WDR27: variants seen among roughly 807,000 people sequenced by gnomAD.
WDR27 encodes WD repeat domain 27, also known as WD repeat-containing protein 27.
In WDR27, 100 loss-of-function variants were observed where a neutral mutation model predicts 114.4. The observed-to-expected ratio is 0.87, with a 90% CI of 0.74 to 1.03. The LOEUF (loss-of-function observed/expected upper bound fraction) is 1.03. Ranked by LOEUF, WDR27 falls within the 50% of genes least tolerant of loss-of-function variation. WDR27 has a pLI of 0.00. For missense variants in WDR27, 1,129 were observed against 1,092.9 expected, an observed-to-expected ratio of 1.03 and a Z score of -0.47; for synonymous variants, 449 against 423.1, an observed-to-expected ratio of 1.06 and a Z score of -0.75.
At chr6:169,457,887 C>T (rs1784452062) in intron 25 of WDR27, among the ~76,000 whole-genome samples, 1 of 151,440 alleles carries the variant, frequency 6.6e-6, no homozygotes, top group Non-Finnish European at 1.5e-5. Flanking sequence ...CTATGGTGCA[C>T]AAAAGGGCAT....
chr6:169,660,003 C>T (rs1002824574), intron 10 of WDR27, among the ~76,000 whole-genome samples: 6 of 151,776 alleles, frequency 4.0e-5, no homozygotes, highest in Non-Finnish European at 4.4e-5. Context: ...GAGGTCTGAG[C>T]GTTCAGGGCT....
chr6:169,643,779 C>T lies in WDR27; in HGVS notation c.1665G>A (p.Gly555=), dbSNP rs1313418522. ...RVCCIQYSGD[G]QWLACGLANH... ...TGGCCAACCCACAGGCCAGCCACTG[C>T]CCATCTCCTGTTAAAAGAATTTTAA... The change falls in exon 17 of 26, where the codon GGG becomes GGA. Residue 555 remains glycine, a synonymous_variant. Coordinates refer to ENST00000448612, the MANE Select transcript of WDR27 (RefSeq NM_182552.5). 6.2e-7 allele frequency: 1 copy of T among 1,612,366 alleles called. No individual in the cohort carries two copies. The highest frequency in any genetic ancestry group is 8.5e-7 in the Non-Finnish European group (1 of 1,179,044).
chr6:169,568,425 G>C (rs977254061), intron 25 of WDR27, among the ~76,000 whole-genome samples: 2 of 152,190 alleles, frequency 1.3e-5, no homozygotes, highest in Admixed American at 6.5e-5. Flanking sequence ...CAGCTGAAAT[G>C]AGACAGCCAT....
chr6:169,680,539 G>A (rs183294467), intron 2 of WDR27, among the ~76,000 whole-genome samples: 7 of 152,212 alleles, frequency 4.6e-5, no homozygotes, highest in African/African-American at 7.2e-5. Flanking sequence ...CCAAGATTGC[G>A]CCACTGCACT....
chr6:169,430,803 G>T, the WDR27 span, among the ~76,000 whole-genome samples: 1 of 152,304 alleles, frequency 6.6e-6, no homozygotes, highest in African/African-American at 2.4e-5. Flanking sequence ...TGAACCCCAT[G>T]ATTAGCTGGA....
chr6:169,520,870 T>C (rs963112045), intron 25 of WDR27, among the ~76,000 whole-genome samples: 5 of 152,068 alleles, frequency 3.3e-5, no homozygotes, highest in African/African-American at 9.7e-5. Flanking sequence ...CAATGAAGAA[T>C]GCCTATAAGA....
intron 21 of WDR27, among the ~76,000 whole-genome samples, chr6:169,624,995 G>A (rs1176777384): frequency 1.3e-5 from 2 of 152,214 alleles, no homozygotes; most frequent in African/African-American, 4.8e-5. Flanking sequence ...GAGGGGACCT[G>A]CAAGATGCAA....
At position 169,643,734 on chromosome 6, in the gene WDR27, A is replaced by G. The variant is rs2128230857; in HGVS notation, c.1710T>C (p.Phe570=). ...CAGGTGTCCCAGTCAGGCTGGCATC[A>G]AAAACGAGTAACAGATGGTTGGCCA... is the stretch of plus-strand genomic sequence containing the variant. ...CGLANHLLLV[F]DASLTGTPAV... The change falls in exon 17 of 26, where the codon TTT becomes TTC. Residue 570 remains phenylalanine, a synonymous_variant. Coordinates refer to ENST00000448612, the MANE Select transcript of WDR27 (RefSeq NM_182552.5). The G allele has an allele frequency of 6.2e-7, 1 of 1,613,536 alleles. No individual in the cohort carries two copies. The highest frequency in any genetic ancestry group is 2.2e-5 in the East Asian group (1 of 44,866).
At chr6:169,694,409 T>G (rs1562953367) in intron 1 of WDR27, among the ~76,000 whole-genome samples, 1 of 152,162 alleles carries the variant, frequency 6.6e-6, no homozygotes, top group Non-Finnish European at 1.5e-5. Flanking sequence ...AACTTAACTA[T>G]CTGGCAATCA....
intron 25 of WDR27, among the ~76,000 whole-genome samples, chr6:169,565,647 C>T (rs1383284665): frequency 2.0e-5 from 3 of 152,158 alleles, no homozygotes; most frequent in African/African-American, 7.2e-5. Context: ...TGTTAAAGAA[C>T]AAGTTTTGTA....
At chr6:169,538,464 T>C (rs1268783035) in intron 25 of WDR27, among the ~76,000 whole-genome samples, 1 of 152,084 alleles carries the variant, frequency 6.6e-6, no homozygotes, top group Non-Finnish European at 1.5e-5. Context: ...TCCCATAAGG[T>C]CACTCTTAAG....
chr6:169,693,953 A>G (rs997942172), intron 1 of WDR27, among the ~76,000 whole-genome samples: 3 of 152,192 alleles, frequency 2.0e-5, no homozygotes, highest in African/African-American at 7.2e-5. Context: ...GTTAACAAAG[A>G]AAGAATGGAC....
At chr6:169,434,242 A>G in the WDR27 span, among the ~76,000 whole-genome samples, 8 of 152,186 alleles carry the variant, frequency 5.3e-5, no homozygotes, top group Admixed American at 1.3e-4. Flanking sequence ...TAAGTCCTTA[A>G]TCCATCTTGA....
At chr6:169,487,846 T>C (rs1322408807) in intron 25 of WDR27, among the ~76,000 whole-genome samples, 1 of 152,184 alleles carries the variant, frequency 6.6e-6, no homozygotes, top group Non-Finnish European at 1.5e-5. Flanking sequence ...AGTTTGGAGT[T>C]TTAAGGACAG....
At chr6:169,569,847 G>A (rs1159894408) in intron 25 of WDR27, among the ~76,000 whole-genome samples, 1 of 152,114 alleles carries the variant, frequency 6.6e-6, no homozygotes, top group Non-Finnish European at 1.5e-5. Flanking sequence ...CCAGTCTGAA[G>A]TGACTTGGGG....
chr6:169,621,698 CCA>C (rs1333502638), intron 21 of WDR27, among the ~76,000 whole-genome samples: 16 of 143,684 alleles, frequency 1.1e-4, no homozygotes, highest in African/African-American at 3.9e-4. Context: ...ATATACATAC[CCA>C]CACATGCATT....
chr6:169,681,747 T>C (rs1232395706), intron 2 of WDR27, among the ~76,000 whole-genome samples: 3 of 152,174 alleles, frequency 2.0e-5, no homozygotes. Context: ...CAGGGAGACT[T>C]GCCCGTATCT....
Position 169,659,110 on chromosome 6 carries a change from C to T in WDR27, c.1295G>A (p.Gly432Glu), listed in dbSNP as rs756110124. The part of the protein sequence containing the change: ...LVRAQQCPSM[G>E]QSLSVPASSC... ...CCTGGCTGGCACCGAGAGGCTCTGC[C>T]CCATGCTGGGGCACTGCTGAGCCCT... is the stretch of plus-strand genomic sequence containing the variant. The change falls in exon 12 of 26, where the codon GGG becomes GAG. Residue 432 changes from glycine (G) to glutamate (E), a missense_variant. Transcript: ENST00000448612. The surrounding 1 kb of genome is among the most constrained non-coding windows in gnomAD (Gnocchi z 4.3). 5 of 1,587,268 alleles carry T rather than the reference C, an allele frequency of 3.2e-6. No individual in the cohort carries two copies. In the South Asian group the frequency reaches 5.7e-5, roughly 18 times the overall value.
chr6:169,612,612 A>G (rs1482947823), intron 22 of WDR27, among the ~76,000 whole-genome samples: 1 of 127,878 alleles, frequency 7.8e-6, no homozygotes, highest in Non-Finnish European at 1.6e-5. Context: ...TGGGTGACAG[A>G]GCGAGACTCT....
Sources: gnomAD v4.1 joint callset for allele counts (sites outside exome capture counted in the v4.1 genomes callset) on GRCh38, gnomAD v4.1.1 for gene constraint, Gnocchi (gnomAD v3.1) non-coding constraint, MANE v1.5 for transcripts, NCBI Gene and HGNC (gene_info 2026-07-23, HGNC 2026-07-21) for gene names.